TMEM156: variants seen among roughly 807,000 people sequenced by gnomAD.
TMEM156 encodes transmembrane protein 156.
A neutral mutation model predicts 30.5 loss-of-function variants in TMEM156; 28 were observed. That is an observed-to-expected ratio of 0.92 (90% CI 0.68 to 1.26). The LOEUF is 1.26. Ranked by LOEUF, TMEM156 falls within the 50% of genes most tolerant of loss-of-function variation. The probability of loss-of-function intolerance (pLI) is 0.00; values close to 1 mark genes in which losing one functional copy is unlikely to be tolerated. For missense variants in TMEM156, 351 were observed against 340.6 expected, an observed-to-expected ratio of 1.03 and a Z score of -0.24; for synonymous variants, 137 against 119.9, an observed-to-expected ratio of 1.14 and a Z score of -0.93.
chr4:38,990,830 G>GTTTTTTTTTTTTTTTGTT (rs1712375802), intron 3 of TMEM156, among the ~76,000 whole-genome samples: 2 of 81,216 alleles, frequency 2.5e-5, no homozygotes, highest in African/African-American at 4.6e-5. Flanking sequence ...TTGTTTTCTG[G>GTTTTTTTTTTTTTTTGTT]TTTTTTTTTT....
chr4:39,022,394 C>G (rs1218692134), intron 1 of TMEM156, among the ~76,000 whole-genome samples: 1 of 152,166 alleles, frequency 6.6e-6, no homozygotes, highest in South Asian at 2.1e-4. Context: ...TGTCTCCTGA[C>G]GTATGACCCA....
intron 1 of TMEM156, among the ~76,000 whole-genome samples, chr4:39,022,301 C>T (rs971998307): frequency 6.6e-6 from 1 of 152,212 alleles, no homozygotes; most frequent in Non-Finnish European, 1.5e-5. Context: ...CAAAACCAGA[C>T]ATAATTTGTG....
At chr4:39,014,570 C>T (rs569699628) in intron 1 of TMEM156, among the ~76,000 whole-genome samples, 219 of 152,070 alleles carry the variant, frequency 1.4e-3, no homozygotes, top group African/African-American at 5.1e-3. Flanking sequence ...GCCAGCCTGG[C>T]CAACATGGTG....
chr4:38,992,921 C>T (rs184271944), intron 3 of TMEM156, among the ~76,000 whole-genome samples: 277 of 150,390 alleles, frequency 1.8e-3, no homozygotes, highest in African/African-American at 6.5e-3. Flanking sequence ...GCCACCACAC[C>T]CAGCTAATTT....
At chr4:38,984,713 T>C (rs2109909414) in intron 5 of TMEM156, among the ~76,000 whole-genome samples, 1 of 152,258 alleles carries the variant, frequency 6.6e-6, no homozygotes, top group Non-Finnish European at 1.5e-5. Flanking sequence ...TAAAGGAATA[T>C]AAATAAGAAA....
intron 5 of TMEM156, 100 bp downstream of exon 5, chr4:38,986,236 A>G (rs1711971010): frequency 2.5e-6 from 2 of 813,858 alleles, no homozygotes; most frequent in Non-Finnish European, 4.2e-6. Flanking sequence ...AGGCTAATTT[A>G]CATAAGCTCA....
rs771964726 is a variant in TMEM156 at position 38,998,929 on chromosome 4, A to G, written c.89-20T>C. The G allele has an allele frequency of 4.4e-6, 7 of 1,586,536 alleles. No homozygotes were observed. Among genetic ancestry groups the G allele is most frequent in the Non-Finnish European group, 6.0e-6 (7 of 1,169,922 alleles). Reference sequence around the variant, plus strand: ...TTCTTTCTGTAAAGAAAAAAGAAAAACACTTTCTTTACTGTAAAGCTTTGA... The same window carrying G: ...TTCTTTCTGTAAAGAAAAAAGAAAAGCACTTTCTTTACTGTAAAGCTTTGA... On this transcript the variant is annotated intron_variant, in intron 1 of 6. Transcript: ENST00000381938.
chr4:38,967,031 A>C lies in TMEM156; in HGVS notation c.*649T>G, dbSNP rs1201311725. 3 of 151,888 alleles carry C rather than the reference A, an allele frequency of 2.0e-5. No individual in the cohort carries two copies. Among genetic ancestry groups the C allele is most frequent in the Non-Finnish European group, 4.4e-5 (3 of 68,022 alleles). The allele number at this position is 151,888 out of a possible 1,614,324, so 9.4% of individuals were successfully genotyped here. On this transcript the variant is annotated 3_prime_UTR_variant, in exon 7 of 7. Coordinates refer to ENST00000381938, the MANE Select transcript of TMEM156 (RefSeq NM_024943.3). ...TGGCCAGGATGGTCTCGATCCCTTG[A>C]CCTCATGATCCTCCCACCTCAGAAT... is the stretch of plus-strand genomic sequence containing the variant.
At chr4:39,022,928 A>G (rs1358301647) in intron 1 of TMEM156, among the ~76,000 whole-genome samples, 1 of 152,228 alleles carries the variant, frequency 6.6e-6, no homozygotes, top group Non-Finnish European at 1.5e-5. Flanking sequence ...AAATATTGCT[A>G]GTACAACCAC....
At chr4:38,978,303 G>A (rs1722981376) in intron 5 of TMEM156, among the ~76,000 whole-genome samples, 1 of 152,122 alleles carries the variant, frequency 6.6e-6, no homozygotes, top group Non-Finnish European at 1.5e-5. Flanking sequence ...AGGGTTAGGA[G>A]ATCACACAGT....
At chr4:39,032,028 ATAAT>A (rs1350807283) in intron 1 of TMEM156, among the ~76,000 whole-genome samples, 194 bp downstream of exon 1, 2 of 152,142 alleles carry the variant, frequency 1.3e-5, no homozygotes, top group African/African-American at 4.8e-5. Context: ...GTATGCTATG[ATAAT>A]TAAGTACTAT....
intron 6 of TMEM156, among the ~76,000 whole-genome samples, chr4:38,970,216 C>T (rs1197104650): frequency 1.3e-5 from 2 of 151,854 alleles, no homozygotes; most frequent in African/African-American, 4.8e-5. Context: ...GGGTTTCTTT[C>T]CCCTTTAGTC....
intron 1 of TMEM156, among the ~76,000 whole-genome samples, chr4:39,018,647 T>C (rs889631436): frequency 6.6e-6 from 1 of 152,226 alleles, no homozygotes; most frequent in Non-Finnish European, 1.5e-5. Context: ...TGATTTTCAT[T>C]GTTGTTTTCA....
At chr4:39,018,785 C>G (rs1714668217) in intron 1 of TMEM156, among the ~76,000 whole-genome samples, 1 of 152,120 alleles carries the variant, frequency 6.6e-6, no homozygotes, top group Non-Finnish European at 1.5e-5. Context: ...CTTTGGGAGG[C>G]CAAGGTGGGC....
At chr4:38,969,949 A>G (rs1198723023) in intron 6 of TMEM156, among the ~76,000 whole-genome samples, 3 of 152,170 alleles carry the variant, frequency 2.0e-5, no homozygotes, top group Non-Finnish European at 4.4e-5. Flanking sequence ...ATGGAAGAGT[A>G]GTTCTATTTT....
At chr4:39,027,230 A>G (rs1715253100) in intron 1 of TMEM156, among the ~76,000 whole-genome samples, 1 of 152,224 alleles carries the variant, frequency 6.6e-6, no homozygotes, top group African/African-American at 2.4e-5. Context: ...TATGAATAAG[A>G]AAAAGAGCAT....
intron 1 of TMEM156, among the ~76,000 whole-genome samples, chr4:39,018,893 C>G (rs531841766): frequency 1.5e-3 from 232 of 152,022 alleles, no homozygotes; most frequent in Middle Eastern, 6.8e-3. Context: ...TGGTGGTGGG[C>G]TCCTATAATC....
intron 1 of TMEM156, 114 bp downstream of exon 1, chr4:39,032,112 A>G (rs1254623473): frequency 4.6e-6 from 3 of 654,620 alleles, no homozygotes; most frequent in Non-Finnish European, 8.0e-6. Context: ...TTTCAGATCT[A>G]GAACTTCAGC....
intron 5 of TMEM156, among the ~76,000 whole-genome samples, chr4:38,980,054 C>T (rs2109887934): frequency 6.6e-6 from 1 of 152,266 alleles, no homozygotes; most frequent in Admixed American, 6.5e-5. Flanking sequence ...AAGGTGCCAA[C>T]TTCTTCCCAT....
Sources: allele counts gnomAD v4.1 joint callset (sites outside exome capture counted in the v4.1 genomes callset), GRCh38; gene constraint gnomAD v4.1.1; transcripts MANE v1.5; gene names NCBI Gene and HGNC (gene_info 2026-07-23, HGNC 2026-07-21).